NUBPL: variants seen among roughly 807,000 people sequenced by gnomAD.
NUBPL encodes NUBP iron-sulfur cluster assembly factor, mitochondrial.
In NUBPL, 31 loss-of-function variants were observed where a neutral mutation model predicts 45.7. That is an observed-to-expected ratio of 0.68 (90% confidence interval 0.51 to 0.92). The LOEUF (loss-of-function observed/expected upper bound fraction) is 0.92. Among genes scored for constraint, NUBPL ranks in the 40% least tolerant of loss-of-function variants. The pLI is 0.00. For synonymous variants in NUBPL, 144 were observed against 140.9 expected, an observed-to-expected ratio of 1.02 and a Z score of -0.15; for missense variants, 401 against 398.7, an observed-to-expected ratio of 1.01 and a Z score of -0.05.
intron 4 of NUBPL, among the ~76,000 whole-genome samples, chr14:31,634,060 G>A (rs1014224427): frequency 2.0e-5 from 3 of 151,642 alleles, no homozygotes; most frequent in Non-Finnish European, 4.4e-5. Flanking sequence ...GAAGAAAAGC[G>A]ACAAAATCAG....
chr14:31,707,836 C>T (rs1223368788), intron 6 of NUBPL, among the ~76,000 whole-genome samples: 1 of 152,202 alleles, frequency 6.6e-6, no homozygotes, highest in Non-Finnish European at 1.5e-5. Context: ...AAATCATCCA[C>T]GTACTGAAGG....
chr14:31,702,005 A>G (rs539489343), intron 6 of NUBPL, among the ~76,000 whole-genome samples: 7 of 152,304 alleles, frequency 4.6e-5, no homozygotes, highest in Non-Finnish European at 4.4e-5. Flanking sequence ...TACTTTTGAC[A>G]TTGACTGCAA....
At chr14:31,850,238 T>C (rs763454933) in intron 10 of NUBPL, 37 bp downstream of exon 10, 1 of 1,482,186 alleles carries the variant, frequency 6.7e-7, no homozygotes, top group African/African-American at 1.4e-5. Flanking sequence ...TTTATTTCTT[T>C]TTATGTACTT....
intron 4 of NUBPL, among the ~76,000 whole-genome samples, chr14:31,615,416 G>T (rs1248148549): frequency 6.6e-6 from 1 of 152,030 alleles, no homozygotes; most frequent in Non-Finnish European, 1.5e-5. Flanking sequence ...ATCTACATTA[G>T]GTATTTCTCC....
At chr14:31,615,344 G>A (rs1023479640) in intron 4 of NUBPL, among the ~76,000 whole-genome samples, 6 of 152,010 alleles carry the variant, frequency 3.9e-5, no homozygotes, top group Non-Finnish European at 5.9e-5. Flanking sequence ...TGTGCAGAAC[G>A]TGCAGGTTTG....
chr14:31,627,358 G>C lies in NUBPL; in HGVS notation c.382+27979G>C, dbSNP rs557676639. 7.2e-5 allele frequency among the ~76,000 whole-genome samples: 11 copies of C among 152,152 alleles called. No homozygotes were observed. The East Asian group carries it at 2.0e-3, about 27-fold the overall frequency. On this transcript the variant is annotated intron_variant, in intron 4 of 10. Transcript: ENST00000281081. Reference sequence around the variant, plus strand: ...ATTTGCTCAGGAAAAATTAGAAAGTGAAAGTGTAGAAATGCAATGCATTTC... The same window carrying C: ...ATTTGCTCAGGAAAAATTAGAAAGTCAAAGTGTAGAAATGCAATGCATTTC...
intron 6 of NUBPL, among the ~76,000 whole-genome samples, chr14:31,753,054 T>A (rs1263546217): frequency 6.6e-6 from 1 of 152,224 alleles, no homozygotes; most frequent in Non-Finnish European, 1.5e-5. Context: ...GGGGATTACA[T>A]TTCTAGATGA....
intron 8 of NUBPL, among the ~76,000 whole-genome samples, chr14:31,831,815 T>C (rs541654621): frequency 6.6e-6 from 1 of 151,986 alleles, no homozygotes; most frequent in Non-Finnish European, 1.5e-5. Flanking sequence ...ATAAGAGGAG[T>C]TCATAAAGAA....
intron 6 of NUBPL, among the ~76,000 whole-genome samples, chr14:31,752,644 T>C (rs2038557515): frequency 6.6e-6 from 1 of 152,214 alleles, no homozygotes; most frequent in South Asian, 2.1e-4. Flanking sequence ...TCCTGTCTTC[T>C]TCTGCACTCT....
intron 3 of NUBPL, among the ~76,000 whole-genome samples, chr14:31,579,847 G>A (rs1236123869): frequency 2.0e-5 from 3 of 152,156 alleles, no homozygotes; most frequent in Non-Finnish European, 4.4e-5. Flanking sequence ...GGTGTTACCT[G>A]GTGCTGATAG....
At chr14:31,834,381 G>T (rs528385697) in intron 8 of NUBPL, among the ~76,000 whole-genome samples, 4 of 151,874 alleles carry the variant, frequency 2.6e-5, no homozygotes, top group Non-Finnish European at 4.4e-5. Context: ...GGGTTTCACC[G>T]TGTTAGCCAG....
At chr14:31,730,082 G>T (rs2038016368) in intron 6 of NUBPL, among the ~76,000 whole-genome samples, 1 of 152,084 alleles carries the variant, frequency 6.6e-6, no homozygotes, top group African/African-American at 2.4e-5. Context: ...TTGATATCAT[G>T]GCAGTACGGC....
intron 3 of NUBPL, among the ~76,000 whole-genome samples, chr14:31,589,630 A>G (rs971247812): frequency 6.6e-6 from 1 of 152,142 alleles, no homozygotes; most frequent in African/African-American, 2.4e-5. Context: ...ATCTTCTATT[A>G]GGTATTTTTC....
At chr14:31,597,208 G>A (rs1242552617) in intron 3 of NUBPL, among the ~76,000 whole-genome samples, 1 of 152,094 alleles carries the variant, frequency 6.6e-6, no homozygotes, top group Non-Finnish European at 1.5e-5. Flanking sequence ...AGAGTACGTA[G>A]AGAGCCTAAT....
chr14:31,601,300 G>T (rs2034427509), intron 4 of NUBPL, among the ~76,000 whole-genome samples: 1 of 152,160 alleles, frequency 6.6e-6, no homozygotes, highest in South Asian at 2.1e-4. Context: ...GAAAGTCATT[G>T]GTAGCTTGAT....
At chr14:31,611,891 C>T (rs2034769007) in intron 4 of NUBPL, among the ~76,000 whole-genome samples, 1 of 152,108 alleles carries the variant, frequency 6.6e-6, no homozygotes, top group Admixed American at 6.5e-5. Context: ...GAAACTAGAC[C>T]CCTATCTCTC....
intron 4 of NUBPL, among the ~76,000 whole-genome samples, chr14:31,661,665 C>T (rs968096392): frequency 3.7e-4 from 57 of 152,224 alleles, no homozygotes; most frequent in African/African-American, 1.3e-3. Flanking sequence ...CCTCACCTCC[C>T]GAGTAGCTGG....
intron 6 of NUBPL, among the ~76,000 whole-genome samples, chr14:31,755,180 G>A (rs2038630658): frequency 6.6e-6 from 1 of 152,066 alleles, no homozygotes; most frequent in Non-Finnish European, 1.5e-5. Context: ...TGTCTTTATA[G>A]CAGCAGGATT....
At chr14:31,841,917 CTTTTTTTTTTTTTTTTT>C (rs547795007) in intron 8 of NUBPL, among the ~76,000 whole-genome samples, 3 of 43,036 alleles carry the variant, frequency 7.0e-5, no homozygotes, top group Admixed American at 6.4e-4. Context: ...CGATTCTGGG[CTTTTTTTTTTTTTTTTT>C]TTTTTTTTTT....
Sources: allele counts gnomAD v4.1 joint callset (sites outside exome capture counted in the v4.1 genomes callset), GRCh38; gene constraint gnomAD v4.1.1; transcripts MANE v1.5; gene names NCBI Gene and HGNC (gene_info 2026-07-23, HGNC 2026-07-21).